The following DGKB variants were observed in gnomAD, a reference collection of about 807,000 sequenced individuals.
The protein encoded by DGKB is 90 kDa diacylglycerol kinase.
DGKB carries 67 observed loss-of-function variants against 114.3 expected under a neutral mutation model. The observed-to-expected ratio is 0.59, with a 90% CI of 0.48 to 0.72. DGKB has a LOEUF of 0.72. Among genes scored for constraint, DGKB ranks in the 30% least tolerant of loss-of-function variants. DGKB has a pLI of 0.00. For missense variants in DGKB, 907 were observed against 975.2 expected, an observed-to-expected ratio of 0.93 and a Z score of 0.93; for synonymous variants, 398 against 323.1, an observed-to-expected ratio of 1.23 and a Z score of -2.49.
rs1333610514 is a variant in DGKB at position 14,860,388 on chromosome 7, AT to A, written c.-187-18939del. 3.9e-5 allele frequency among the ~76,000 whole-genome samples: 6 copies of A among 152,030 alleles called. No homozygotes were observed. In the East Asian group the frequency reaches 7.7e-4, roughly 20 times the overall value. ...TTGAATTTTGATGACAATTGCATAC[AT>A]TCACGTCTTCCATTGTTTATTTCTT... is the stretch of plus-strand genomic sequence containing the variant. On this transcript the variant is annotated intron_variant, in intron 1 of 25. Transcript: ENST00000402815.
intron 23 of DGKB, chr7:14,209,654 A>T: frequency 8.2e-6 from 3 of 365,560 alleles, no homozygotes; most frequent in South Asian, 6.4e-5. Flanking sequence ...AGAAGCGTTT[A>T]TCTTTGGAAA....
At chr7:14,288,084 A>G (rs1801158414) in intron 23 of DGKB, among the ~76,000 whole-genome samples, 1 of 152,116 alleles carries the variant, frequency 6.6e-6, no homozygotes, top group Admixed American at 6.6e-5. Context: ...TGTTAAAATT[A>G]GAACTAGAAG....
intron 5 of DGKB, among the ~76,000 whole-genome samples, chr7:14,726,849 G>C (rs1359001764): frequency 1.3e-5 from 2 of 152,240 alleles, no homozygotes; most frequent in African/African-American, 2.4e-5. Flanking sequence ...CTTAAGATTA[G>C]TCATGTAAAA....
chr7:14,665,390 G>A (rs1366699275), intron 13 of DGKB, among the ~76,000 whole-genome samples: 1 of 151,920 alleles, frequency 6.6e-6, no homozygotes, highest in Non-Finnish European at 1.5e-5. Flanking sequence ...GGAGGAGGAA[G>A]AGGATGAGGA....
intron 21 of DGKB, among the ~76,000 whole-genome samples, chr7:14,360,807 G>C: frequency 6.6e-6 from 1 of 152,048 alleles, no homozygotes; most frequent in Non-Finnish European, 1.5e-5. Context: ...GAAAAAAGGA[G>C]TATACATATA....
chr7:14,431,726 T>C (rs971157116), intron 21 of DGKB, among the ~76,000 whole-genome samples: 1 of 152,164 alleles, frequency 6.6e-6, no homozygotes, highest in Non-Finnish European at 1.5e-5. Flanking sequence ...AATCCAATAA[T>C]CAAATTAAGT....
chr7:14,595,188 G>A (rs77239116), intron 17 of DGKB, among the ~76,000 whole-genome samples: 3,006 of 152,064 alleles, frequency 0.02, 79 homozygotes, highest in African/African-American at 0.054. Context: ...TTGAGTGAAG[G>A]GTTGTTATGT....
intron 23 of DGKB, among the ~76,000 whole-genome samples, chr7:14,326,147 G>A (rs1360294550): frequency 4.0e-5 from 6 of 150,856 alleles, no homozygotes; most frequent in African/African-American, 1.5e-4. Context: ...AAACCTGTGT[G>A]TAAGAAACTC....
At position 14,265,318 on chromosome 7, in the gene DGKB, C is replaced by CTTTTTTTTTTTTTTTTTTTTTTT. The variant is rs781569705; in HGVS notation, c.2122+73196_2122+73197insAAAAAAAAAAAAAAAAAAAAAAA. ...GGACTGCTGTCTTTTCTCTTGCATT[C>CTTTTTTTTTTTTTTTTTTTTTTT]TTTTTTTTTTTTTTTTTTTTGCTTA... On this transcript the variant is annotated intron_variant, in intron 23 of 25. Coordinates refer to ENST00000402815, the MANE Select transcript of DGKB (RefSeq NM_001350709.2). Among the ~76,000 whole-genome samples the CTTTTTTTTTTTTTTTTTTTTTTT allele has an allele frequency of 4.4e-4, 30 of 67,734 alleles. 2 individuals are homozygous for CTTTTTTTTTTTTTTTTTTTTTTT. Among genetic ancestry groups the CTTTTTTTTTTTTTTTTTTTTTTT allele is most frequent in the African/African-American group, 6.8e-4 (10 of 14,672 alleles). 44.4% of individuals were successfully genotyped at this position (67,734 alleles called of 152,430 possible).
In DGKB at chr7:14,954,535, G is replaced by A. The variant is rs559746743; in HGVS notation, c.-188+20161C>T. Reference sequence around the variant, plus strand: ...CAGCCACTGAATTGAAAATAAACTCGAAAGAAACCAAATTTGAAGGTTAGA... The same window carrying A: ...CAGCCACTGAATTGAAAATAAACTCAAAAGAAACCAAATTTGAAGGTTAGA... On this transcript the variant is annotated intron_variant, in intron 1 of 4. Transcript: ENST00000437998. Among the ~76,000 whole-genome samples, 5 of 151,982 alleles carry A rather than the reference G, an allele frequency of 3.3e-5. No individual in the cohort carries two copies. In the East Asian group the frequency reaches 5.8e-4, roughly 18 times the overall value.
intron 21 of DGKB, among the ~76,000 whole-genome samples, chr7:14,428,147 T>C (rs759848434): frequency 2.6e-5 from 4 of 152,118 alleles, no homozygotes; most frequent in African/African-American, 9.7e-5. Flanking sequence ...CAGTGTTCTA[T>C]ACTTTGTTTC....
chr7:14,167,400 G>A (rs556467178), intron 25 of DGKB, among the ~76,000 whole-genome samples: 16 of 151,832 alleles, frequency 1.1e-4, no homozygotes, highest in Non-Finnish European at 1.6e-4. Flanking sequence ...ACAGAACCCT[G>A]GAGGCAGATG....
chr7:14,705,897 A>G (rs1826135221), intron 6 of DGKB, among the ~76,000 whole-genome samples: 1 of 152,158 alleles, frequency 6.6e-6, no homozygotes, highest in African/African-American at 2.4e-5. Flanking sequence ...CTAGGAAGAA[A>G]CTGCATCAAA....
intron 21 of DGKB, among the ~76,000 whole-genome samples, chr7:14,468,493 T>TGTGGA: frequency 6.7e-6 from 1 of 149,514 alleles, no homozygotes; most frequent in East Asian, 2.0e-4. Context: ...ATCTGCAGTT[T>TGTGGA]CTTCCCTTTA....
intron 23 of DGKB, among the ~76,000 whole-genome samples, chr7:14,201,217 G>T (rs1443575295): frequency 6.6e-6 from 1 of 151,802 alleles, no homozygotes; most frequent in Non-Finnish European, 1.5e-5. Flanking sequence ...ATCCTTGTGT[G>T]GTCCCTTTTT....
chr7:14,671,983 G>A (rs1329067427), intron 13 of DGKB, among the ~76,000 whole-genome samples: 1 of 151,968 alleles, frequency 6.6e-6, no homozygotes, highest in Non-Finnish European at 1.5e-5. Context: ...TCAGCAATAT[G>A]GAGGTATTTT....
intron 2 of DGKB, among the ~76,000 whole-genome samples, chr7:14,785,591 A>G (rs1839772219): frequency 6.6e-6 from 1 of 152,228 alleles, no homozygotes; most frequent in Non-Finnish European, 1.5e-5. Context: ...TTAGAACCGA[A>G]TTAAAAATTC....
intron 21 of DGKB, among the ~76,000 whole-genome samples, chr7:14,447,598 G>A (rs967595587): frequency 6.6e-6 from 1 of 152,018 alleles, no homozygotes; most frequent in Non-Finnish European, 1.5e-5. Flanking sequence ...TTCATGTTTA[G>A]TTTGCATCGT....
intron 2 of DGKB, among the ~76,000 whole-genome samples, chr7:14,828,505 T>C (rs1161935288): frequency 1.3e-5 from 2 of 152,062 alleles, no homozygotes; most frequent in Admixed American, 6.6e-5. Flanking sequence ...CGTAACAACA[T>C]GGGCAAGCTC....
Sources: allele counts gnomAD v4.1 joint callset (sites outside exome capture counted in the v4.1 genomes callset), GRCh38; gene constraint gnomAD v4.1.1; transcripts MANE v1.5; gene names NCBI Gene and HGNC (gene_info 2026-07-23, HGNC 2026-07-21).